Variants in VPS37A observed in about 807,000 individuals in gnomAD.
VPS37A encodes VPS37A subunit of ESCRT-I.
In VPS37A, 30 loss-of-function variants were observed where a neutral mutation model predicts 49.8. The ratio of observed to expected loss-of-function variants is 0.60; its 90% confidence interval spans 0.45 to 0.82. The LOEUF is 0.82. Ranked by LOEUF, VPS37A falls within the 40% of genes least tolerant of loss-of-function variation. VPS37A has a pLI of 0.00. For synonymous variants in VPS37A, 195 were observed against 160.6 expected (o/e 1.21, Z -1.62); for missense variants, 593 against 464.4 (o/e 1.28, Z -2.55).
At chr8:17,292,623 C>T (rs1816256849) in intron 11 of VPS37A, among the ~76,000 whole-genome samples, 1 of 152,150 alleles carries the variant, frequency 6.6e-6, no homozygotes, top group Non-Finnish European at 1.5e-5. Flanking sequence ...ATGTTTAGTG[C>T]TTCCTTCAGG....
intron 11 of VPS37A, among the ~76,000 whole-genome samples, chr8:17,294,321 C>G (rs1816421986): frequency 6.6e-6 from 1 of 152,150 alleles, no homozygotes; most frequent in African/African-American, 2.4e-5. Context: ...CTCCAGCATC[C>G]CAGGTCGACC....
At chr8:17,313,637 T>TTA in the VPS37A span, among the ~76,000 whole-genome samples, 2 of 152,196 alleles carry the variant, frequency 1.3e-5, no homozygotes, top group South Asian at 2.1e-4. Context: ...TTTACAAGTA[T>TTA]TATATATATG....
At chr8:17,321,972 C>T in the VPS37A span, among the ~76,000 whole-genome samples, 2 of 152,256 alleles carry the variant, frequency 1.3e-5, no homozygotes, top group East Asian at 3.9e-4. Context: ...TCCTATACCA[C>T]TCTTATTTTC....
chr8:17,291,082 T>C (rs541412333), intron 11 of VPS37A, among the ~76,000 whole-genome samples: 2 of 152,290 alleles, frequency 1.3e-5, no homozygotes, highest in Non-Finnish European at 2.9e-5. Flanking sequence ...GGTATGATCT[T>C]GGCTCACTGC....
At chr8:17,270,430 T>C (rs1207081820) in intron 4 of VPS37A, among the ~76,000 whole-genome samples, 1 of 152,174 alleles carries the variant, frequency 6.6e-6, no homozygotes, top group Non-Finnish European at 1.5e-5. Flanking sequence ...GATACATCTA[T>C]ATGTGGCATC....
chr8:17,272,023 C>T (rs1305275113), intron 4 of VPS37A: 3 of 456,772 alleles, frequency 6.6e-6, no homozygotes, highest in South Asian at 1.5e-5. Context: ...ACCATCCGCA[C>T]TGCCTGGAAA....
downstream of VPS37A, chr8:17,305,973 T>C (rs754264458): frequency 1.3e-6 from 2 of 1,584,862 alleles, no homozygotes; most frequent in Admixed American, 1.7e-5. Flanking sequence ...AAACAAAGCA[T>C]TAGAGACTTT....
At chr8:17,275,077 A>G in intron 5 of VPS37A, 119 bp downstream of exon 5, 1 of 958,656 alleles carries the variant, frequency 1.0e-6, no homozygotes, top group East Asian at 2.5e-5. Context: ...GAAAAGATGA[A>G]CTCACATTTT....
chr8:17,268,111 A>C (rs1370506645), intron 2 of VPS37A, 147 bp from the exon 3 acceptor site: 3 of 540,066 alleles, frequency 5.6e-6, no homozygotes, highest in South Asian at 3.0e-5. Flanking sequence ...TTCAGACAAC[A>C]CCATAATAGA....
chr8:17,308,064 A>G, the VPS37A span, among the ~76,000 whole-genome samples: 1 of 143,698 alleles, frequency 7.0e-6, no homozygotes, highest in African/African-American at 2.7e-5. Context: ...TAAAAATAAA[A>G]TGAGGAAGAA....
chr8:17,324,287 C>T, the VPS37A span, among the ~76,000 whole-genome samples: 1 of 152,200 alleles, frequency 6.6e-6, no homozygotes, highest in Non-Finnish European at 1.5e-5. Context: ...CGATAAATGT[C>T]CCGGCTCCTG....
chr8:17,277,600 A>G (rs530858556), intron 6 of VPS37A, among the ~76,000 whole-genome samples: 3 of 152,016 alleles, frequency 2.0e-5, no homozygotes, highest in South Asian at 2.1e-4. Context: ...TAACCCATCA[A>G]TTCTTCAGTA....
intron 6 of VPS37A, among the ~76,000 whole-genome samples, chr8:17,277,887 C>T (rs556999861): frequency 6.6e-6 from 1 of 151,618 alleles, no homozygotes; most frequent in South Asian, 2.1e-4. Context: ...CACACACACA[C>T]ACACACACAC....
downstream of VPS37A, chr8:17,299,883 T>TTCATCAGAA (rs1243584269): frequency 6.2e-7 from 1 of 1,613,972 alleles, no homozygotes; most frequent in African/African-American, 1.3e-5. Flanking sequence ...GAAACACGGC[T>TTCATCAGAA]TCATCAGAAT....
intron 11 of VPS37A, among the ~76,000 whole-genome samples, chr8:17,287,373 T>C (rs757933626): frequency 2.6e-5 from 4 of 152,256 alleles, no homozygotes; most frequent in Non-Finnish European, 5.9e-5. Context: ...GCATCTCTAT[T>C]CTTTTTTAAA....
At chr8:17,255,832 T>G (rs1255248136) in intron 1 of VPS37A, among the ~76,000 whole-genome samples, 1 of 152,220 alleles carries the variant, frequency 6.6e-6, no homozygotes. Flanking sequence ...ACGTAATGAC[T>G]TCCAGTTCCA....
downstream of VPS37A, chr8:17,300,235 A>G: frequency 6.3e-7 from 1 of 1,591,184 alleles, no homozygotes; most frequent in South Asian, 1.1e-5. Flanking sequence ...CTAAGAAAGA[A>G]ATAACAATTT....
At chr8:17,301,855 C>A, downstream of VPS37A, 1 of 403,000 alleles carries the variant, frequency 2.5e-6, no homozygotes, top group Non-Finnish European at 4.4e-6. Context: ...TCACACTTTC[C>A]AGAAAAAAAT....
rs1815586924 is a variant in VPS37A, at chr8:17,286,371, G to T, written c.1138G>T (p.Glu380Ter). The T allele has an allele frequency of 6.2e-7, 1 of 1,613,788 alleles. No individual in the cohort carries two copies. The highest frequency in any genetic ancestry group is 8.5e-7 in the Non-Finnish European group (1 of 1,179,866). The change falls in exon 11 of 12, where the codon GAA becomes TAA. Residue 380 changes from glutamate to a stop codon, truncating the protein, a stop_gained. Coordinates refer to ENST00000324849, the MANE Select transcript of VPS37A (RefSeq NM_152415.3). LOFTEE classifies it high-confidence loss of function. The stretch of plus-strand genomic sequence containing the variant: ...GATTTGCCACTGTAGAAGAGCCAAG[G>T]AAGAGAAACTTCAGCAGGCGATAGC... The part of the protein sequence containing the change: ...RTICHCRRAK[E>*]EKLQQAIAMH...
Sources: gnomAD v4.1 joint callset for allele counts (sites outside exome capture counted in the v4.1 genomes callset) on GRCh38, gnomAD v4.1.1 for gene constraint, MANE v1.5 for transcripts, NCBI Gene and HGNC (gene_info 2026-07-23, HGNC 2026-07-21) for gene names.